Variants in CNOT9 observed in about 807,000 individuals in gnomAD.
CNOT9 encodes CCR4-NOT transcription complex subunit 9.
CNOT9 carries 8 observed loss-of-function variants against 37.4 expected under a neutral mutation model. That is an observed-to-expected ratio of 0.21 (90% confidence interval 0.13 to 0.39). The LOEUF is 0.39. Ranked by LOEUF, CNOT9 falls within the 10% of genes least tolerant of loss-of-function variation. CNOT9 has a pLI of 1.00. For missense variants in CNOT9, 154 were observed against 365.3 expected (o/e 0.42, Z 4.71); for synonymous variants, 120 against 137.6 (o/e 0.87, Z 0.90).
At chr2:218,582,749 TC>T (rs1413655152) in intron 2 of CNOT9, among the ~76,000 whole-genome samples, 1 of 152,064 alleles carries the variant, frequency 6.6e-6, no homozygotes, top group Non-Finnish European at 1.5e-5. Context: ...AAAAAAATCT[TC>T]CTAGAGACAA....
At chr2:218,580,023 C>T (rs1437832177) in intron 1 of CNOT9, among the ~76,000 whole-genome samples, 5 of 148,084 alleles carry the variant, frequency 3.4e-5, no homozygotes, top group Non-Finnish European at 5.9e-5. Context: ...GGCTGGAGTG[C>T]AGTGGCGCTA....
intron 1 of CNOT9, among the ~76,000 whole-genome samples, chr2:218,571,250 C>G (rs987791447): frequency 6.6e-6 from 1 of 152,142 alleles, no homozygotes; most frequent in African/African-American, 2.4e-5. Flanking sequence ...AGGGAGATAA[C>G]AAAGTACTGC....
Position 218,587,592 on chromosome 2 carries a change from T to A in CNOT9, c.437T>A (p.Leu146Gln). 6.3e-7 allele frequency: 1 copy of A among 1,590,676 alleles called. No individual in the cohort carries two copies. The highest frequency in any genetic ancestry group is 8.6e-7 in the Non-Finnish European group (1 of 1,168,940). ...RLTSLGVIGA[L>Q]VKTDEQEVIN... is the part of the protein sequence containing the mutation. ...TTGTCCTTATTTTCTTTAGGGGCCC[T>A]GGTGAAAACAGATGAACAAGAAGTA... The change falls in exon 5 of 8, where the codon CTG becomes CAG. Residue 146 changes from leucine (L) to glutamine (Q), a missense_variant. Leu to Gln is a moderately radical substitution (Grantham distance 113, BLOSUM62 -2). Around this residue, in one of 2 missense-constraint regions of CNOT9, gnomAD observed 117 missense variants for 325.4 expected, o/e 0.36. Coordinates refer to ENST00000273064, the MANE Select transcript of CNOT9 (RefSeq NM_005444.3).
At position 218,583,229 on chromosome 2, in the gene CNOT9, GTGTGTCTCTCTCTCTCTCTCTC is replaced by G. The variant is rs1411864230; in HGVS notation, c.320+145_320+166del. 196 of 90,140 alleles carry G rather than the reference GTGTGTCTCTCTCTCTCTCTCTC, an allele frequency of 2.2e-3. 1 individual carries two copies. The South Asian group carries it at 0.026, about 12-fold the overall frequency. 5.6% of individuals were successfully genotyped at this position (90,140 alleles called of 1,614,324 possible). A position where few individuals can be genotyped will look rare whatever the true frequency, so the allele number is the denominator to read the frequency against. ...TGTGTGTGTGTGTGTGTGTGTGTGT[GTGTGTCTCTCTCTCTCTCTCTC>G]TCTCTCTCTCTCTCTCTCTCTCTCT... is the stretch of plus-strand genomic sequence containing the variant. On this transcript the variant is annotated intron_variant, in intron 3 of 7. Coordinates refer to ENST00000273064, the MANE Select transcript of CNOT9 (RefSeq NM_005444.3).
chr2:218,591,099 T>A (rs1694759287), intron 5 of CNOT9, among the ~76,000 whole-genome samples: 2 of 152,170 alleles, frequency 1.3e-5, no homozygotes, highest in Non-Finnish European at 2.9e-5. Flanking sequence ...GTCTGCAAAG[T>A]CCCATTTTTC....
chr2:218,584,802 A>G, intron 4 of CNOT9, 81 bp downstream of exon 4: 1 of 942,412 alleles, frequency 1.1e-6, no homozygotes, highest in Non-Finnish European at 1.7e-6. Flanking sequence ...GCCGGTTATG[A>G]TTTTTGTACA....
intron 1 of CNOT9, among the ~76,000 whole-genome samples, chr2:218,579,146 TA>T (rs997775077): frequency 3.3e-5 from 5 of 152,158 alleles, no homozygotes; most frequent in Non-Finnish European, 7.3e-5. Flanking sequence ...TATGGTTTTT[TA>T]AAAAAAGTTT....
chr2:218,580,637 C>G lies in CNOT9; in HGVS notation c.101C>G (p.Thr34Ser). Residue 34 changes from threonine (T) to serine (S), a missense_variant, in exon 2 of 8, where the codon ACT becomes AGT. Around this residue, in one of 2 missense-constraint regions of CNOT9, gnomAD observed 37 missense variants for 39.9 expected, o/e 0.93. Coordinates refer to ENST00000273064, the MANE Select transcript of CNOT9 (RefSeq NM_005444.3). Reference protein sequence around the residue: ...QWINELSSPETRENALLELSK... With the variant: ...QWINELSSPESRENALLELSK... ...ATCAATGAGCTGTCCAGTCCTGAGACTAGGGAAAATGCTTTGCTGGAGCTA... is the reference window on the plus strand; with the variant it reads ...ATCAATGAGCTGTCCAGTCCTGAGAGTAGGGAAAATGCTTTGCTGGAGCTA... 1 of 1,614,034 alleles carries G rather than the reference C, an allele frequency of 6.2e-7. No homozygotes were observed. The highest frequency in any genetic ancestry group is 8.5e-7 in the Non-Finnish European group (1 of 1,179,914).
chr2:218,575,746 T>G (rs1694144870), intron 1 of CNOT9, among the ~76,000 whole-genome samples: 1 of 152,196 alleles, frequency 6.6e-6, no homozygotes, highest in African/African-American at 2.4e-5. Flanking sequence ...AATGTCAACC[T>G]CTGCTCTCTT....
At chr2:218,573,840 A>G (rs966745754) in intron 1 of CNOT9, 2 of 253,480 alleles carry the variant, frequency 7.9e-6, no homozygotes, top group South Asian at 6.7e-5. Context: ...AAAAGGTGTC[A>G]TTTGAAATAC....
intron 1 of CNOT9, among the ~76,000 whole-genome samples, chr2:218,578,998 A>G (rs543671669): frequency 4.6e-5 from 7 of 152,332 alleles, no homozygotes; most frequent in African/African-American, 1.7e-4. Context: ...TAGAGAATAT[A>G]CTGAAGAATC....
rs1694823456 is a variant in CNOT9 at position 218,592,782 on chromosome 2, C to T, written c.731+75C>T. 1 of 1,184,568 alleles carries T rather than the reference C, an allele frequency of 8.4e-7. No homozygotes were observed. The highest frequency in any genetic ancestry group is 1.7e-5 in the Admixed American group (1 of 58,514). The allele number at this position is 1,184,568 out of a possible 1,614,324, so 73.4% of individuals were successfully genotyped here. A position where few individuals can be genotyped will look rare whatever the true frequency, so the allele number is the denominator to read the frequency against. On this transcript the variant is annotated intron_variant, in intron 7 of 7. Transcript: ENST00000273064. This position sits in a 1 kb window ranked among gnomAD's most constrained non-coding sequence, Gnocchi z 4.1. The stretch of plus-strand genomic sequence containing the variant: ...AGTTTCCTAATCTCATGGCATAGCT[C>T]CTGTGTCTTTAGGACAGGGAAGTGG...
At chr2:218,585,263 G>A (rs1006686318) in intron 4 of CNOT9, among the ~76,000 whole-genome samples, 2 of 151,792 alleles carry the variant, frequency 1.3e-5, no homozygotes, top group Non-Finnish European at 2.9e-5. Context: ...GGAATGCTTC[G>A]TATATCTGAA....
chr2:218,580,276 T>C lies in CNOT9; in HGVS notation c.25-285T>C, dbSNP rs188027658. 2.0e-5 allele frequency among the ~76,000 whole-genome samples: 3 copies of C among 152,258 alleles called. No homozygotes were observed. The East Asian group carries it at 5.8e-4, about 29-fold the overall frequency. On this transcript the variant is annotated intron_variant, in intron 1 of 7. Coordinates refer to ENST00000273064, the MANE Select transcript of CNOT9 (RefSeq NM_005444.3). ...GTGCCACCGCGCCCGGCCACTTTTC[T>C]GCTTTTAAAACAGTGCAACAGTAAA...
chr2:218,587,517 C>A, intron 4 of CNOT9, 69 bp from the exon 5 acceptor site: 1 of 1,421,790 alleles, frequency 7.0e-7, no homozygotes, highest in Non-Finnish European at 9.3e-7. Flanking sequence ...ACTGGATAAA[C>A]AGTTCGAAGT....
chr2:218,588,389 A>T (rs1694660232), intron 5 of CNOT9, among the ~76,000 whole-genome samples: 5 of 151,394 alleles, frequency 3.3e-5, no homozygotes, highest in African/African-American at 1.2e-4. Context: ...CCCGGGTTCA[A>T]GCAGTTCTCC....
intron 5 of CNOT9, among the ~76,000 whole-genome samples, chr2:218,589,842 A>G (rs1425775497): frequency 4.6e-5 from 7 of 152,212 alleles, no homozygotes; most frequent in Non-Finnish European, 4.4e-5. Flanking sequence ...AATATTCAAT[A>G]TATGGATGAC....
chr2:218,571,593 T>G (rs1693993201), intron 1 of CNOT9, among the ~76,000 whole-genome samples: 1 of 149,250 alleles, frequency 6.7e-6, no homozygotes, highest in South Asian at 2.1e-4. Flanking sequence ...TTTTTTGAGA[T>G]AGAGTTTTGC....
chr2:218,570,634 A>G (rs924558017), intron 1 of CNOT9, among the ~76,000 whole-genome samples: 1 of 152,196 alleles, frequency 6.6e-6, no homozygotes, highest in Non-Finnish European at 1.5e-5. Context: ...AAATTATTCT[A>G]AGGTTGACTT....
Sources: gnomAD v4.1 joint callset for allele counts (sites outside exome capture counted in the v4.1 genomes callset) on GRCh38, gnomAD v4.1.1 for gene constraint, gnomAD v4.1.1 regional missense constraint, Gnocchi (gnomAD v3.1) non-coding constraint, MANE v1.5 for transcripts, NCBI Gene and HGNC (gene_info 2026-07-23, HGNC 2026-07-21) for gene names.